The following COPS4 variants were observed in gnomAD, a reference collection of about 807,000 sequenced individuals.
COPS4 encodes COP9 signalosome complex subunit 4.
COPS4 carries 8 observed loss-of-function variants against 55.1 expected under a neutral mutation model. The observed-to-expected ratio is 0.15, with a 90% CI of 0.09 to 0.26. The LOEUF (loss-of-function observed/expected upper bound fraction) is 0.26. Among genes scored for constraint, COPS4 ranks in the 10% least tolerant of loss-of-function variants. COPS4 has a pLI of 1.00. For missense variants in COPS4, 248 were observed against 484.0 expected (o/e 0.51, Z 4.58); for synonymous variants, 185 against 165.7 (o/e 1.12, Z -0.90).
At chr4:83,040,384 G>A (rs1217995997) in intron 1 of COPS4, among the ~76,000 whole-genome samples, 9 of 152,194 alleles carry the variant, frequency 5.9e-5, no homozygotes. Context: ...TTACCTGAGG[G>A]TGCTAACAGT....
chr4:83,044,166 T>A (rs1730641113), intron 1 of COPS4, among the ~76,000 whole-genome samples: 1 of 152,056 alleles, frequency 6.6e-6, no homozygotes. Flanking sequence ...TACAATTGGC[T>A]GGGCGCGGTG....
At chr4:83,064,521 C>A (rs1404226360) in intron 7 of COPS4, among the ~76,000 whole-genome samples, 1 of 152,168 alleles carries the variant, frequency 6.6e-6, no homozygotes, top group African/African-American at 2.4e-5. Context: ...TTCTTGCCTC[C>A]CCTCTGCCTG....
intron 6 of COPS4, among the ~76,000 whole-genome samples, chr4:83,059,147 G>T (rs546933179): frequency 6.6e-6 from 1 of 151,498 alleles, no homozygotes; most frequent in South Asian, 2.1e-4. Flanking sequence ...CTTTCTTGGT[G>T]GCTTGTGGAA....
At chr4:83,045,590 C>CTCT in intron 1 of COPS4, 36 bp from the exon 2 acceptor site, 1 of 1,490,826 alleles carries the variant, frequency 6.7e-7, no homozygotes, top group Admixed American at 1.7e-5. Flanking sequence ...AAATATAGTA[C>CTCT]CCTCAGAACA....
In COPS4 at chr4:83,047,979, C is replaced by T. The variant is rs1350801656; in HGVS notation, c.155-1187C>T. 4.1e-5 allele frequency among the ~76,000 whole-genome samples: 6 copies of T among 146,498 alleles called. No individual in the cohort carries two copies. The South Asian group carries it at 6.4e-4, about 16-fold the overall frequency. Reference sequence around the variant, plus strand: ...TGGTGCCACTGCACTCCAGCCTGGGCGACAGAGCGAGACTCAGTCTCAAAA... The same window carrying T: ...TGGTGCCACTGCACTCCAGCCTGGGTGACAGAGCGAGACTCAGTCTCAAAA... On this transcript the variant is annotated intron_variant, in intron 2 of 9. Transcript: ENST00000264389.
intron 6 of COPS4, among the ~76,000 whole-genome samples, chr4:83,058,641 C>G (rs1429669721): frequency 6.6e-6 from 1 of 152,176 alleles, no homozygotes; most frequent in African/African-American, 2.4e-5. Context: ...ACCTATCTTT[C>G]AATACAAATG....
At chr4:83,068,633 A>G in intron 9 of COPS4, 111 bp downstream of exon 9, 2 of 681,130 alleles carry the variant, frequency 2.9e-6, no homozygotes. Context: ...TACTGGAATG[A>G]GCTTATTTCC....
At chr4:83,054,801 G>T (rs1730976612) in intron 4 of COPS4, among the ~76,000 whole-genome samples, 1 of 152,184 alleles carries the variant, frequency 6.6e-6, no homozygotes, top group Non-Finnish European at 1.5e-5. Context: ...AAACCAAAGA[G>T]ATAAAAATGT....
chr4:83,055,054 C>T (rs374377849), intron 4 of COPS4, among the ~76,000 whole-genome samples: 1,836 of 152,278 alleles, frequency 0.012, 48 homozygotes, highest in African/African-American at 0.041. Flanking sequence ...TAAATTTCTC[C>T]TCCCATTCTC....
In COPS4 at chr4:83,057,323, G is replaced by A; in HGVS notation, c.630G>A (p.Glu210=). 6.2e-7 allele frequency: 1 copy of A among 1,613,264 alleles called. No homozygotes were observed. The highest frequency in any genetic ancestry group is 8.5e-7 in the Non-Finnish European group (1 of 1,179,462). The change falls in exon 6 of 10, where the codon GAG becomes GAA. Residue 210 remains glutamate (E), a synonymous_variant. Coordinates refer to ENST00000264389, the MANE Select transcript of COPS4 (RefSeq NM_016129.3). ...KFIEAAQRYN[E]LSYKTIVHES... is the part of the protein sequence containing the mutation. ...TTGAAGCTGCACAAAGGTACAATGA[G>A]CTCTCTTACAAGACAATAGTCCACG...
intron 3 of COPS4, 69 bp from the exon 4 acceptor site, chr4:83,049,812 T>G (rs1157985805): frequency 1.1e-6 from 1 of 924,548 alleles, no homozygotes; most frequent in Admixed American, 2.6e-5. Flanking sequence ...TTAGAATAAC[T>G]TTCCTATTTA....
At chr4:83,045,592 C>T (rs1191102640) in intron 1 of COPS4, 34 bp from the exon 2 acceptor site, 2 of 1,513,006 alleles carry the variant, frequency 1.3e-6, no homozygotes, top group African/African-American at 1.4e-5. Context: ...ATATAGTACC[C>T]TCAGAACATT....
chr4:83,054,611 GA>G (rs985319157), intron 4 of COPS4, among the ~76,000 whole-genome samples: 3 of 152,136 alleles, frequency 2.0e-5, no homozygotes, highest in Admixed American at 1.3e-4. Context: ...TTGGTAGTTT[GA>G]AAAAGCTGGG....
chr4:83,070,506 G>A lies in COPS4; in HGVS notation c.1087+1984G>A, dbSNP rs770430039. Among the ~76,000 whole-genome samples the A allele has an allele frequency of 2.0e-5, 3 of 152,248 alleles. No homozygotes were observed. In the South Asian group the frequency reaches 6.2e-4, roughly 32 times the overall value. ...CAGCCATCCCAAAACTGTATTGTTA[G>A]CTTTCTCCAATACTCCTTATCCTTG... On this transcript the variant is annotated intron_variant, in intron 9 of 9. Coordinates refer to ENST00000264389, the MANE Select transcript of COPS4 (RefSeq NM_016129.3).
At chr4:83,063,492 C>T (rs1731219330) in intron 7 of COPS4, among the ~76,000 whole-genome samples, 1 of 151,248 alleles carries the variant, frequency 6.6e-6, no homozygotes, top group Non-Finnish European at 1.5e-5. Flanking sequence ...ACTGCAAACT[C>T]TACCTCCTGG....
Position 83,075,583 on chromosome 4 carries a change from C to T in COPS4, c.*153C>T. On this transcript the variant is annotated 3_prime_UTR_variant, in exon 10 of 10. Transcript: ENST00000264389. ...GAAGACATTATTAGAGCAGGAAGTA[C>T]AAGCATTTAAAATATGTAGTTCCCA... The T allele has an allele frequency of 1.3e-6, 1 of 769,376 alleles. No homozygotes were observed. The highest frequency in any genetic ancestry group is 3.4e-5 in the Admixed American group (1 of 29,672). 47.7% of individuals were successfully genotyped at this position (769,376 alleles called of 1,614,324 possible).
At position 83,075,443 on chromosome 4, in the gene COPS4, C is replaced by A. The variant is rs1731548202; in HGVS notation, c.*13C>A. The A allele has an allele frequency of 1.2e-6, 2 of 1,613,752 alleles. No individual in the cohort carries two copies. The highest frequency in any genetic ancestry group is 4.5e-5 in the East Asian group (2 of 44,874). Reference sequence around the variant, plus strand: ...GATGGCTCAGTGAATCCTTGCAGAACTTCTGTGCACATGACATCTTTTTCC... The same window carrying A: ...GATGGCTCAGTGAATCCTTGCAGAAATTCTGTGCACATGACATCTTTTTCC... On this transcript the variant is annotated 3_prime_UTR_variant, in exon 10 of 10. Transcript: ENST00000264389.
chr4:83,049,144 C>CT (rs753092273), intron 2 of COPS4, 22 bp from the exon 3 acceptor site: 94,415 of 1,158,328 alleles, frequency 0.082, no homozygotes, highest in Non-Finnish European at 0.088. Flanking sequence ...GTTTTCTTAT[C>CT]TTTTTTTTTT....
chr4:83,041,629 G>A (rs189264149), intron 1 of COPS4, among the ~76,000 whole-genome samples: 134 of 151,762 alleles, frequency 8.8e-4, no homozygotes, highest in African/African-American at 3.1e-3. Flanking sequence ...CATCACACTC[G>A]GCTAATTTTT....
Sources: allele counts gnomAD v4.1 joint callset (sites outside exome capture counted in the v4.1 genomes callset), GRCh38; gene constraint gnomAD v4.1.1; transcripts MANE v1.5; gene names NCBI Gene and HGNC (gene_info 2026-07-23, HGNC 2026-07-21).